PCDH15: variants seen among roughly 807,000 people sequenced by gnomAD.
The protein encoded by PCDH15 is protocadherin related 15.
In PCDH15, 129 loss-of-function variants were observed where a neutral mutation model predicts 178.5. The observed-to-expected ratio is 0.72, with a 90% confidence interval of 0.63 to 0.84. PCDH15 has a LOEUF of 0.84. Among genes scored for constraint, PCDH15 ranks in the 40% least tolerant of loss-of-function variants. The pLI is 0.00. For synonymous variants in PCDH15, 800 were observed against 732.0 expected, an observed-to-expected ratio of 1.09 and a Z score of -1.50; for missense variants, 2,230 against 2,099.9, an observed-to-expected ratio of 1.06 and a Z score of -1.21.
intron 1 of PCDH15, among the ~76,000 whole-genome samples, chr10:55,248,287 T>G (rs1841739076): frequency 6.6e-6 from 1 of 152,066 alleles, no homozygotes; most frequent in South Asian, 2.1e-4. Flanking sequence ...AAAAAACACT[T>G]ATTATACATG....
At chr10:54,830,553 G>A (rs1953205337) in intron 3 of PCDH15, among the ~76,000 whole-genome samples, 2 of 150,706 alleles carry the variant, frequency 1.3e-5, no homozygotes. Context: ...ATGGACACAG[G>A]AAGGGGAACA....
At chr10:54,685,433 A>T (rs1045687428) in intron 1 of PCDH15, among the ~76,000 whole-genome samples, 2 of 152,182 alleles carry the variant, frequency 1.3e-5, no homozygotes, top group Admixed American at 1.3e-4. Context: ...GTTTGTTTAT[A>T]CCAGAATCAC....
At chr10:54,621,844 T>G (rs933241928) in intron 2 of PCDH15, among the ~76,000 whole-genome samples, 6 of 151,818 alleles carry the variant, frequency 4.0e-5, no homozygotes, top group Non-Finnish European at 8.8e-5. Context: ...GGAAAGAAAA[T>G]GAAACGGTAT....
At chr10:55,274,723 G>T (rs1842540958) in intron 1 of PCDH15, among the ~76,000 whole-genome samples, 1 of 152,080 alleles carries the variant, frequency 6.6e-6, no homozygotes, top group Non-Finnish European at 1.5e-5. Context: ...TTCCATGGCG[G>T]AGGCAGGGGT....
At chr10:54,994,847 A>G (rs2131921596) in intron 2 of PCDH15, among the ~76,000 whole-genome samples, 1 of 152,280 alleles carries the variant, frequency 6.6e-6, no homozygotes, top group Non-Finnish European at 1.5e-5. Context: ...CTAGATCTTT[A>G]CTTTGATTAC....
chr10:54,864,760 A>G (rs1591751036), intron 3 of PCDH15: 2 of 152,198 alleles, frequency 1.3e-5, no homozygotes, highest in Admixed American at 1.3e-4. Flanking sequence ...TCTCCACTGC[A>G]CTACTTCCCA....
intron 1 of PCDH15, among the ~76,000 whole-genome samples, chr10:54,755,945 G>C (rs1478570813): frequency 6.6e-6 from 1 of 151,970 alleles, no homozygotes; most frequent in African/African-American, 2.4e-5. Flanking sequence ...ATGAGACAAG[G>C]CGCGGTAGCT....
chr10:55,160,192 G>A (rs1423057829), intron 2 of PCDH15, among the ~76,000 whole-genome samples: 1 of 152,050 alleles, frequency 6.6e-6, no homozygotes, highest in Non-Finnish European at 1.5e-5. Context: ...AAAGAGGAAA[G>A]CTTTCGTACA....
chr10:54,315,495 T>C (rs1323102986), intron 8 of PCDH15, among the ~76,000 whole-genome samples: 1 of 152,184 alleles, frequency 6.6e-6, no homozygotes, highest in Non-Finnish European at 1.5e-5. Flanking sequence ...TTCACTCTGT[T>C]GATAGTTTAT....
intron 3 of PCDH15, among the ~76,000 whole-genome samples, chr10:54,499,818 A>G (rs999966572): frequency 6.6e-6 from 1 of 152,164 alleles, no homozygotes; most frequent in African/African-American, 2.4e-5. Flanking sequence ...AGAAATAACC[A>G]AATTAGAGCT....
intron 37 of PCDH15, chr10:53,809,407 A>T: frequency 1.2e-6 from 2 of 1,613,990 alleles, no homozygotes; most frequent in African/African-American, 1.3e-5. Context: ...CTTAAAAATC[A>T]TGGGGAATAT....
chr10:55,362,038 T>C (rs967171592), intron 2 of PCDH15, among the ~76,000 whole-genome samples: 8 of 152,086 alleles, frequency 5.3e-5, no homozygotes, highest in African/African-American at 1.7e-4. Context: ...TGATTTCTTC[T>C]GCTCACCTTA....
intron 21 of PCDH15, among the ~76,000 whole-genome samples, chr10:53,989,670 G>C (rs927626837): frequency 1.3e-5 from 2 of 152,034 alleles, no homozygotes; most frequent in African/African-American, 4.8e-5. Flanking sequence ...TTGATGTTAA[G>C]GGGAAAAAAA....
intron 1 of PCDH15, among the ~76,000 whole-genome samples, chr10:54,687,809 C>A (rs1225147547): frequency 6.6e-6 from 1 of 151,972 alleles, no homozygotes; most frequent in Admixed American, 6.6e-5. Flanking sequence ...CCTTTAAGAC[C>A]ACTTTGCTGG....
chr10:54,205,948 T>C (rs1591162949), intron 10 of PCDH15, among the ~76,000 whole-genome samples: 1 of 152,046 alleles, frequency 6.6e-6, no homozygotes, highest in African/African-American at 2.4e-5. Flanking sequence ...AACAAATACC[T>C]TTTTTTGTAT....
chr10:54,322,636 A>G (rs985221093), intron 7 of PCDH15, among the ~76,000 whole-genome samples: 3 of 142,766 alleles, frequency 2.1e-5, no homozygotes, highest in African/African-American at 8.2e-5. Context: ...AATTAGTAAT[A>G]AGAAACTTAC....
At chr10:54,268,430 C>A (rs1407140046) in intron 8 of PCDH15, among the ~76,000 whole-genome samples, 1 of 151,770 alleles carries the variant, frequency 6.6e-6, no homozygotes, top group African/African-American at 2.4e-5. Context: ...ACAAGTGAGA[C>A]CAAATTAAAC....
chr10:54,201,120 G>T (rs555188617), intron 10 of PCDH15, among the ~76,000 whole-genome samples: 3 of 152,108 alleles, frequency 2.0e-5, no homozygotes, highest in African/African-American at 7.2e-5. Context: ...CAAGAAACTT[G>T]GAGGCACCTC....
At chr10:54,044,954 TC>T (rs2093627537) in intron 18 of PCDH15, among the ~76,000 whole-genome samples, 1 of 152,112 alleles carries the variant, frequency 6.6e-6, no homozygotes, top group Non-Finnish European at 1.5e-5. Context: ...ACCAAGAAGT[TC>T]ATCTCATGGC....
Sources: allele counts gnomAD v4.1 joint callset (sites outside exome capture counted in the v4.1 genomes callset), GRCh38; gene constraint gnomAD v4.1.1; transcripts MANE v1.5; gene names NCBI Gene and HGNC (gene_info 2026-07-23, HGNC 2026-07-21).